The following EXD3 variants were observed in gnomAD, a reference collection of about 807,000 sequenced individuals.
EXD3 encodes the protein exonuclease 3'-5' domain containing 3.
EXD3 carries 92 observed loss-of-function variants against 98.0 expected under a neutral mutation model. The ratio of observed to expected loss-of-function variants is 0.94; its 90% CI spans 0.79 to 1.12. EXD3 has a LOEUF of 1.12. Ranked by LOEUF, EXD3 falls within the 50% of genes most tolerant of loss-of-function variation. The probability of loss-of-function intolerance (pLI) is 0.00; values close to 1 mark genes in which losing one functional copy is unlikely to be tolerated. For missense variants in EXD3, 1,222 were observed against 1,191.6 expected (o/e 1.03, Z -0.38); for synonymous variants, 569 against 526.0 (o/e 1.08, Z -1.12).
intron 5 of EXD3, among the ~76,000 whole-genome samples, chr9:137,370,969 C>T (rs989135498): frequency 2.6e-5 from 4 of 152,200 alleles, no homozygotes; most frequent in South Asian, 2.1e-4. Flanking sequence ...CTAATCCGAG[C>T]GGACAGGCCT....
chr9:137,403,768 G>A lies in EXD3; in HGVS notation c.-47-8364C>T, dbSNP rs766622914. 1.3e-5 allele frequency among the ~76,000 whole-genome samples: 2 copies of A among 152,248 alleles called. No homozygotes were observed. Among genetic ancestry groups the A allele is most frequent in the Non-Finnish European group, 1.5e-5 (1 of 68,004 alleles). ...CTTCCAAGGGCTCCAGAAAGTGGTC[G>A]CTGCCCTTCTCAGAAGGCCCTCTCC... On this transcript the variant is annotated intron_variant, in intron 1 of 21. Transcript: ENST00000340951. This position sits in a 1 kb window ranked among gnomAD's most constrained non-coding sequence, Gnocchi z 6.1.
rs756968830 is a variant in EXD3 at position 137,354,716 on chromosome 9, T to C, written c.815A>G (p.His272Arg). The change falls in exon 9 of 22, where the codon CAC (histidine) becomes CGC (arginine). Residue 272 changes from histidine (H) to arginine (R), a missense_variant. By Grantham distance (29) the His-to-Arg change is conservative. Transcript: ENST00000340951. Reference protein sequence around the residue: ...QRLAALRHLCHKRFVEKSLSQ... With the variant: ...QRLAALRHLCRKRFVEKSLSQ... ...CTCACGAACCTCCACAAACCGCTTG[T>C]GGCACAGGTGCCGCAGGGCCGCCAG... 2 of 1,610,990 alleles carry C rather than the reference T, an allele frequency of 1.2e-6. No homozygotes were observed. The highest frequency in any genetic ancestry group is 1.7e-5 in the Admixed American group (1 of 60,006).
chr9:137,365,666 G>A lies in EXD3; in HGVS notation c.656+827C>T, dbSNP rs574845569. The A allele has an allele frequency of 8.5e-4, 165 of 194,388 alleles. 2 individuals are homozygous for A. The highest frequency in any genetic ancestry group is 1.4e-3 in the African/African-American group (50 of 36,096). The allele number at this position is 194,388 out of a possible 1,614,324, so 12.0% of individuals were successfully genotyped here. A position where few individuals can be genotyped will look rare whatever the true frequency, so the allele number is the denominator to read the frequency against. The stretch of plus-strand genomic sequence containing the variant: ...ACACATACATGTACACACACCACAC[G>A]CACACACATGCACAGGCACACATGC... On this transcript the variant is annotated intron_variant, in intron 7 of 21. Coordinates refer to ENST00000340951, the MANE Select transcript of EXD3 (RefSeq NM_017820.5).
In EXD3 at chr9:137,352,110, C is replaced by T; in HGVS notation, c.1129G>A (p.Ala377Thr). ...TGTCTGGTCAGGTCTTCCCACGAGGCCAGGAGGTGGACGTTCTCCCTGGGG... is the reference window on the plus strand; with the variant it reads ...TGTCTGGTCAGGTCTTCCCACGAGGTCAGGAGGTGGACGTTCTCCCTGGGG... The part of the protein sequence containing the change: ...PIPRENVHLL[A>T]SWEDLTRHEG... The change falls in exon 12 of 22, where the codon GCC (alanine) becomes ACC (threonine). Residue 377 changes from alanine to threonine, a missense_variant. Physicochemically the swap from Ala to Thr is moderately conservative, Grantham distance 58. Transcript: ENST00000340951. 1 of 1,612,722 alleles carries T rather than the reference C, an allele frequency of 6.2e-7. No homozygotes were observed. The highest frequency in any genetic ancestry group is 8.5e-7 in the Non-Finnish European group (1 of 1,179,724).
At chr9:137,388,170 T>C (rs377358700) in intron 2 of EXD3, among the ~76,000 whole-genome samples, 47 of 152,214 alleles carry the variant, frequency 3.1e-4, no homozygotes, top group African/African-American at 9.1e-4. Context: ...TCATGGTCCC[T>C]GCCCAGCACC....
intron 1 of EXD3, among the ~76,000 whole-genome samples, chr9:137,396,646 CA>C (rs951582255): frequency 6.6e-6 from 1 of 152,224 alleles, no homozygotes; most frequent in African/African-American, 2.4e-5. Flanking sequence ...AAACACACAA[CA>C]ACACAACCTC....
Position 137,328,604 on chromosome 9 carries a change from A to G in EXD3, c.1999-4461T>C, listed in dbSNP as rs558740153. Among the ~76,000 whole-genome samples the G allele has an allele frequency of 7.3e-3, 674 of 92,418 alleles. 46 individuals carry two copies. The highest frequency in any genetic ancestry group is 0.042 in the African/African-American group (629 of 15,114). The allele number at this position is 92,418 out of a possible 152,430, so 60.6% of individuals were successfully genotyped here. On this transcript the variant is annotated intron_variant, in intron 17 of 21. Transcript: ENST00000340951. ...GAGCTACACGGGACTACACGGGACTACACGGGGCTACACGGGACTACACGG... is the reference window on the plus strand; with the variant it reads ...GAGCTACACGGGACTACACGGGACTGCACGGGGCTACACGGGACTACACGG...
intron 1 of EXD3, among the ~76,000 whole-genome samples, chr9:137,410,103 G>C (rs983091010): frequency 6.6e-6 from 1 of 152,118 alleles, no homozygotes; most frequent in Non-Finnish European, 1.5e-5. Context: ...GTGAACCTGG[G>C]AGATGAAGGT....
At position 137,393,393 on chromosome 9, in the gene EXD3, G is replaced by C. The variant is rs1246804835; in HGVS notation, c.55+1910C>G. Among the ~76,000 whole-genome samples, 1 of 152,160 alleles carries C rather than the reference G, an allele frequency of 6.6e-6. No homozygotes were observed. The highest frequency in any genetic ancestry group is 6.5e-5 in the Admixed American group (1 of 15,286). ...CCTCAGAGGAGGCGGTGGATGAACGGAAGGGTGAGGGGGTCTGGGCCCATC... is the reference window on the plus strand; with the variant it reads ...CCTCAGAGGAGGCGGTGGATGAACGCAAGGGTGAGGGGGTCTGGGCCCATC... On this transcript the variant is annotated intron_variant, in intron 2 of 21. Transcript: ENST00000340951. The surrounding 1 kb of genome is among the most constrained non-coding windows in gnomAD (Gnocchi z 4.6).
chr9:137,414,091 A>G (rs972504952), intron 1 of EXD3, among the ~76,000 whole-genome samples: 3 of 151,174 alleles, frequency 2.0e-5, no homozygotes, highest in African/African-American at 7.3e-5. Context: ...TAATTTTTGT[A>G]TTTTTAGTAG....
At chr9:137,409,991 A>G (rs986273037) in intron 1 of EXD3, among the ~76,000 whole-genome samples, 2 of 152,190 alleles carry the variant, frequency 1.3e-5, no homozygotes, top group African/African-American at 2.4e-5. Flanking sequence ...CCTGGCCAAC[A>G]TGGTGAAACC....
At chr9:137,418,272 C>T (rs962734690) in intron 1 of EXD3, among the ~76,000 whole-genome samples, 3 of 152,266 alleles carry the variant, frequency 2.0e-5, no homozygotes, top group East Asian at 3.9e-4. Context: ...CGCTTGAACC[C>T]GGGAAGCAGA....
intron 19 of EXD3, 90 bp from the exon 20 acceptor site, chr9:137,309,790 T>A: frequency 1.0e-6 from 1 of 974,560 alleles, no homozygotes; most frequent in Non-Finnish European, 1.6e-6. Context: ...AAGCTCTGGG[T>A]CTGGCCATGG....
Position 137,373,011 on chromosome 9 carries a change from G to A in EXD3, c.356C>T (p.Pro119Leu), listed in dbSNP as rs377286131. The A allele has an allele frequency of 2.5e-6, 4 of 1,605,172 alleles. No individual in the cohort carries two copies. Among genetic ancestry groups the A allele is most frequent in the African/African-American group, 2.7e-5 (2 of 74,896 alleles). The change falls in exon 5 of 22, where the codon CCC becomes CTC. Residue 119 changes from proline to leucine, a missense_variant. Coordinates refer to ENST00000340951, the MANE Select transcript of EXD3 (RefSeq NM_017820.5). ...GCTGGCCAGTGGTGCCGCAAGGCTG[G>A]GGGGGCTCTCAGTGAGGACTTTGAC... is the stretch of plus-strand genomic sequence containing the variant. ...RAVKVLTESP[P>L]SLAAPLASIF...
intron 7 of EXD3, chr9:137,365,742 A>T: frequency 6.3e-6 from 2 of 318,768 alleles, no homozygotes; most frequent in South Asian, 5.2e-5. Flanking sequence ...ACCTACAGGC[A>T]CACACATACA....
At chr9:137,312,074 C>G (rs977152013) in intron 19 of EXD3, among the ~76,000 whole-genome samples, 2 of 152,202 alleles carry the variant, frequency 1.3e-5, no homozygotes, top group Non-Finnish European at 2.9e-5. Flanking sequence ...AGGGTTCTCA[C>G]GCCGCCTCCT....
At chr9:137,358,683 T>C (rs951129760) in intron 7 of EXD3, among the ~76,000 whole-genome samples, 1 of 152,110 alleles carries the variant, frequency 6.6e-6, no homozygotes, top group African/African-American at 2.4e-5. Flanking sequence ...CTTAAAACTT[T>C]TTTAAAATTA....
intron 1 of EXD3, among the ~76,000 whole-genome samples, chr9:137,404,458 CACTTTT>C (rs1184099220): frequency 1.3e-5 from 2 of 152,248 alleles, no homozygotes; most frequent in Non-Finnish European, 2.9e-5. Context: ...TACCACTCTC[CACTTTT>C]ATTTGCTTTT....
At chr9:137,337,531 A>G (rs1435495911) in intron 17 of EXD3, among the ~76,000 whole-genome samples, 5 of 151,912 alleles carry the variant, frequency 3.3e-5, no homozygotes, top group Non-Finnish European at 5.9e-5. Flanking sequence ...GACACCTGTA[A>G]TCCCAGCTAC....
Sources: gnomAD v4.1 joint callset for allele counts (sites outside exome capture counted in the v4.1 genomes callset) on GRCh38, gnomAD v4.1.1 for gene constraint, Gnocchi (gnomAD v3.1) non-coding constraint, MANE v1.5 for transcripts, NCBI Gene and HGNC (gene_info 2026-07-23, HGNC 2026-07-21) for gene names.